ENPP3: variants seen among roughly 807,000 people sequenced by gnomAD.
ENPP3 encodes the protein ectonucleotide pyrophosphatase/phosphodiesterase 3.
ENPP3 carries 104 observed loss-of-function variants against 117.8 expected under a neutral mutation model. That is an observed-to-expected ratio of 0.88 (90% CI 0.75 to 1.04). ENPP3 has a LOEUF of 1.04. Among genes scored for constraint, ENPP3 ranks in the 50% least tolerant of loss-of-function variants. The pLI is 0.00. For missense variants in ENPP3, 1,026 were observed against 1,051.9 expected, an observed-to-expected ratio of 0.98 and a Z score of 0.34; for synonymous variants, 380 against 349.9, an observed-to-expected ratio of 1.09 and a Z score of -0.96.
Position 131,722,279 on chromosome 6 carries a change from C to T in ENPP3, c.1620C>T (p.Asn540=), listed in dbSNP as rs182914994. ...APNNGTHGSL[N]HLLKVPFYEP... is the part of the protein sequence containing the mutation. Reference sequence around the variant, plus strand: ...ACAATGGAACCCATGGTAGTTTAAACCATCTTCTGAAGGTGCCTTTTTATG... The same window carrying T: ...ACAATGGAACCCATGGTAGTTTAAATCATCTTCTGAAGGTGCCTTTTTATG... The change falls in exon 18 of 25, where the codon AAC becomes AAT. Residue 540 remains asparagine, a synonymous_variant. Coordinates refer to ENST00000357639, the MANE Select transcript of ENPP3 (RefSeq NM_005021.5). The T allele has an allele frequency of 1.1e-5, 17 of 1,614,040 alleles. No individual in the cohort carries two copies. The highest frequency in any genetic ancestry group is 1.4e-5 in the Non-Finnish European group (17 of 1,179,924).
chr6:131,721,470 T>C (rs1332940085), intron 17 of ENPP3, among the ~76,000 whole-genome samples: 3 of 151,902 alleles, frequency 2.0e-5, no homozygotes, highest in African/African-American at 7.3e-5. Context: ...AGGACTGCAG[T>C]TCCAGGAGAG....
At chr6:131,639,626 A>G (rs1342340037) in intron 1 of ENPP3, among the ~76,000 whole-genome samples, 1 of 152,090 alleles carries the variant, frequency 6.6e-6, no homozygotes, top group African/African-American at 2.4e-5. Flanking sequence ...TTTCACTTAA[A>G]CATTTTGAAG....
chr6:131,682,024 G>A (rs1333137186), intron 11 of ENPP3, among the ~76,000 whole-genome samples: 14 of 151,944 alleles, frequency 9.2e-5, no homozygotes, highest in Non-Finnish European at 4.4e-5. Flanking sequence ...GTAGAGATGG[G>A]GTTTCACCAT....
intron 19 of ENPP3, among the ~76,000 whole-genome samples, chr6:131,724,872 T>C (rs1233278452): frequency 2.0e-5 from 3 of 152,128 alleles, no homozygotes; most frequent in African/African-American, 7.2e-5. Flanking sequence ...CAATTGCTAT[T>C]AGGTTGGTGC....
intron 6 of ENPP3, among the ~76,000 whole-genome samples, chr6:131,667,825 G>A (rs913747372): frequency 1.3e-5 from 2 of 152,120 alleles, no homozygotes; most frequent in East Asian, 1.9e-4. Context: ...GGGAAGAGTC[G>A]TCCAAGATTT....
intron 20 of ENPP3, among the ~76,000 whole-genome samples, chr6:131,730,731 A>G (rs1280732317): frequency 6.6e-6 from 1 of 152,156 alleles, no homozygotes; most frequent in African/African-American, 2.4e-5. Flanking sequence ...CCTGGCCAAC[A>G]TGGCAAAACC....
chr6:131,745,289 G>A (rs1052892839), intron 24 of ENPP3, among the ~76,000 whole-genome samples: 9 of 150,912 alleles, frequency 6.0e-5, no homozygotes, highest in Admixed American at 1.3e-4. Context: ...ATATTAGCTC[G>A]CATTGTGAAT....
chr6:131,653,193 A>C (rs1053821672), intron 5 of ENPP3, among the ~76,000 whole-genome samples: 4 of 152,276 alleles, frequency 2.6e-5, no homozygotes, highest in Non-Finnish European at 5.9e-5. Context: ...GCGGTGGTGC[A>C]ATCACAGCTC....
At chr6:131,669,709 T>G (rs1247255798) in intron 6 of ENPP3, among the ~76,000 whole-genome samples, 1 of 147,412 alleles carries the variant, frequency 6.8e-6, no homozygotes, top group East Asian at 2.0e-4. Context: ...AGATTTTTTT[T>G]GAACTCCCTT....
At chr6:131,717,346 C>CA (rs1408477211) in intron 15 of ENPP3, among the ~76,000 whole-genome samples, 23 of 91,252 alleles carry the variant, frequency 2.5e-4, no homozygotes, top group African/African-American at 1.5e-3. Flanking sequence ...AGAAACCCTG[C>CA]GGGGGGTGTG....
chr6:131,694,225 A>G (rs1779352284), intron 15 of ENPP3, among the ~76,000 whole-genome samples: 3 of 152,222 alleles, frequency 2.0e-5, no homozygotes. Context: ...GACTCACTCC[A>G]TCTTAAATAA....
At chr6:131,692,338 A>C (rs992124658) in intron 14 of ENPP3, among the ~76,000 whole-genome samples, 2 of 152,048 alleles carry the variant, frequency 1.3e-5, no homozygotes, top group Non-Finnish European at 1.5e-5. Flanking sequence ...TATGCCATAC[A>C]GTCATAATTG....
At chr6:131,650,227 T>C in intron 3 of ENPP3, 78 bp downstream of exon 3, 1 of 1,531,812 alleles carries the variant, frequency 6.5e-7, no homozygotes, top group East Asian at 2.3e-5. Context: ...TTCTTTTCTT[T>C]CCTTTTTTTT....
Position 131,733,741 on chromosome 6 carries a change from T to G in ENPP3, c.2089+18T>G, listed in dbSNP as rs373058456. 2 of 1,612,444 alleles carry G rather than the reference T, an allele frequency of 1.2e-6. No homozygotes were observed. Among genetic ancestry groups the G allele is most frequent in the Non-Finnish European group, 1.7e-6 (2 of 1,178,764 alleles). On this transcript the variant is annotated intron_variant, in intron 21 of 24. Transcript: ENST00000357639. ...TCCTCCTGGTTAGTAGAACTCTTTT[T>G]TAGAGCAGTAGCTTAGAAAGCTCTC... is the stretch of plus-strand genomic sequence containing the variant.
In ENPP3 at chr6:131,658,346, T is replaced by G. The variant is rs745935108; in HGVS notation, c.488T>G (p.Leu163Trp). 9 of 1,609,350 alleles carry G rather than the reference T, an allele frequency of 5.6e-6. No homozygotes were observed. The highest frequency in any genetic ancestry group is 6.8e-6 in the Non-Finnish European group (8 of 1,176,028). The change falls in exon 6 of 25, where the codon TTG becomes TGG. Residue 163 changes from leucine to tryptophan, a missense_variant. Leu to Trp is a moderately conservative substitution (Grantham distance 61). Coordinates refer to ENST00000357639, the MANE Select transcript of ENPP3 (RefSeq NM_005021.5). ...AGGTTTGACCTGCCACCAGTTATCT[T>G]GTTTTCTATGGATGGATTTAGAGCT... The part of the protein sequence containing the change: ...PEGFDLPPVI[L>W]FSMDGFRAEY...
chr6:131,736,734 A>AT (rs1780406000), intron 21 of ENPP3, among the ~76,000 whole-genome samples: 1 of 152,190 alleles, frequency 6.6e-6, no homozygotes, highest in Non-Finnish European at 1.5e-5. Context: ...TATATCTGGC[A>AT]TTCTGTTTGT....
intron 7 of ENPP3, among the ~76,000 whole-genome samples, chr6:131,673,029 T>A (rs1366876109): frequency 1.3e-5 from 2 of 152,154 alleles, no homozygotes; most frequent in Non-Finnish European, 2.9e-5. Context: ...TTCCTTGCTA[T>A]TATTGATAAT....
intron 15 of ENPP3, among the ~76,000 whole-genome samples, chr6:131,716,949 C>T (rs552240432): frequency 1.5e-3 from 233 of 151,608 alleles, no homozygotes; most frequent in African/African-American, 5.2e-3. Context: ...CCAGCCTGGG[C>T]GACAGAGCGA....
At chr6:131,731,152 T>C (rs572026689) in intron 20 of ENPP3, among the ~76,000 whole-genome samples, 102 of 152,338 alleles carry the variant, frequency 6.7e-4, no homozygotes, top group African/African-American at 2.4e-3. Flanking sequence ...GGATGCCATA[T>C]ATACTCTCAG....
Sources: allele counts gnomAD v4.1 joint callset (sites outside exome capture counted in the v4.1 genomes callset), GRCh38; gene constraint gnomAD v4.1.1; transcripts MANE v1.5; gene names NCBI Gene and HGNC (gene_info 2026-07-23, HGNC 2026-07-21).